The following SLCO5A1 variants were observed in gnomAD, a reference collection of about 807,000 sequenced individuals.
SLCO5A1 encodes organic anion transporter polypeptide-related protein 4.
SLCO5A1 carries 39 observed loss-of-function variants against 65.1 expected under a neutral mutation model. That is an observed-to-expected ratio of 0.60 (90% CI 0.46 to 0.78). The LOEUF is 0.78. SLCO5A1 is among the 30% of genes least tolerant of loss of function. The pLI, the probability that SLCO5A1 is intolerant of heterozygous loss-of-function variation, is 0.00. For missense variants in SLCO5A1, 1,029 were observed against 1,069.4 expected, an observed-to-expected ratio of 0.96 and a Z score of 0.53; for synonymous variants, 438 against 415.7, an observed-to-expected ratio of 1.05 and a Z score of -0.65.
At position 69,684,974 on chromosome 8, in the gene SLCO5A1, T is replaced by A. The variant is rs150381624; in HGVS notation, c.1623-2631A>T. 3.9e-4 allele frequency among the ~76,000 whole-genome samples: 60 copies of A among 152,332 alleles called. 1 individual carries two copies. The South Asian group carries it at 7.0e-3, about 18-fold the overall frequency. On this transcript the variant is annotated intron_variant, in intron 6 of 9. Coordinates refer to ENST00000260126, the MANE Select transcript of SLCO5A1 (RefSeq NM_030958.3). ...ACACTGTTCAAGGAGGCAAAAAGCT[T>A]TCCTGAGTTTAGGAAACGAGCACAG...
chr8:69,696,913 T>A (rs939469266), intron 6 of SLCO5A1, among the ~76,000 whole-genome samples: 3 of 151,366 alleles, frequency 2.0e-5, no homozygotes, highest in Non-Finnish European at 4.4e-5. Context: ...AAATAAAAAA[T>A]GTACATAAAG....
At chr8:69,794,353 T>A (rs933168997) in intron 2 of SLCO5A1, 5 of 431,126 alleles carry the variant, frequency 1.2e-5, no homozygotes, top group African/African-American at 8.2e-5. Context: ...CAGTTCATCA[T>A]AACTGCTCTC....
intron 2 of SLCO5A1, among the ~76,000 whole-genome samples, chr8:69,817,734 G>A (rs1409225411): frequency 2.6e-5 from 4 of 152,078 alleles, no homozygotes; most frequent in Non-Finnish European, 4.4e-5. Context: ...CCCCTTCTCC[G>A]TATGATCAAG....
rs775264988 is a variant in SLCO5A1, at chr8:69,783,358, G to A, written c.908-21483C>T. 9.3e-4 allele frequency among the ~76,000 whole-genome samples: 141 copies of A among 152,028 alleles called. 1 individual carries two copies. The highest frequency in any genetic ancestry group is 1.8e-3 in the Non-Finnish European group (122 of 67,966). ...TGTAACTCAAAGGATAAATGCTTGA[G>A]GGGATACCCCATTCTCTATTGTGTG... On this transcript the variant is annotated intron_variant, in intron 2 of 9. Transcript: ENST00000260126.
chr8:69,736,940 T>G (rs1451466959), intron 5 of SLCO5A1, among the ~76,000 whole-genome samples: 1 of 152,216 alleles, frequency 6.6e-6, no homozygotes, highest in Non-Finnish European at 1.5e-5. Context: ...AGGTTTAGAT[T>G]TTCTCACAAC....
intron 2 of SLCO5A1, among the ~76,000 whole-genome samples, chr8:69,821,502 A>G (rs1347890360): frequency 6.6e-6 from 1 of 152,060 alleles, no homozygotes; most frequent in East Asian, 1.9e-4. Flanking sequence ...AGAAAAGAAG[A>G]AGAAGAAGAA....
At chr8:69,766,487 C>T (rs374405823) in intron 2 of SLCO5A1, among the ~76,000 whole-genome samples, 1 of 152,118 alleles carries the variant, frequency 6.6e-6, no homozygotes, top group African/African-American at 2.4e-5. Context: ...TTACCAGTTG[C>T]TCTGTGTGCA....
intron 2 of SLCO5A1, among the ~76,000 whole-genome samples, chr8:69,785,255 C>A (rs893755645): frequency 2.0e-5 from 3 of 152,148 alleles, no homozygotes; most frequent in Non-Finnish European, 2.9e-5. Context: ...TGCACAATGG[C>A]ACAAGCAGAC....
intron 4 of SLCO5A1, among the ~76,000 whole-genome samples, chr8:69,742,055 G>A (rs182198585): frequency 4.5e-4 from 69 of 152,280 alleles, no homozygotes; most frequent in Non-Finnish European, 8.7e-4. Context: ...TTATATAGGA[G>A]AGTGTTCTTG....
At chr8:69,778,269 G>A (rs943051742) in intron 2 of SLCO5A1, among the ~76,000 whole-genome samples, 5 of 151,384 alleles carry the variant, frequency 3.3e-5, no homozygotes, top group African/African-American at 1.2e-4. Context: ...GTGCATATAT[G>A]TGTTAAACCT....
At chr8:69,834,025 T>C (rs1424695003) in intron 1 of SLCO5A1, 1 of 150,356 alleles carries the variant, frequency 6.7e-6, no homozygotes, top group Admixed American at 6.6e-5. Context: ...GGCGGGGAGG[T>C]GTGCTATTGA....
At position 69,672,558 on chromosome 8, in the gene SLCO5A1, C is replaced by A; in HGVS notation, c.*311G>T. 3.2e-6 allele frequency: 1 copy of A among 307,802 alleles called. No individual in the cohort carries two copies. The allele number at this position is 307,802 out of a possible 1,614,324, so 19.1% of individuals were successfully genotyped here. ...GTTAATGATATGCACCGCCATTCCC[C>A]TTCCCATGGTTTTGCTAACCGTGTA... On this transcript the variant is annotated 3_prime_UTR_variant, in exon 10 of 10. Transcript: ENST00000260126.
In SLCO5A1 at chr8:69,743,763, G is replaced by A. The variant is rs915072497; in HGVS notation, c.1259-5559C>T. Among the ~76,000 whole-genome samples, 9 of 152,102 alleles carry A rather than the reference G, an allele frequency of 5.9e-5. No homozygotes were observed. The South Asian group carries it at 6.2e-4, about 11-fold the overall frequency. On this transcript the variant is annotated intron_variant, in intron 4 of 9. Coordinates refer to ENST00000260126, the MANE Select transcript of SLCO5A1 (RefSeq NM_030958.3). ...AGCTGATTAGACCAGGGAAGGAGGC[G>A]GGACTCAGAGGTGCTATCTACAGGC...
chr8:69,701,799 C>A (rs975824852), intron 6 of SLCO5A1, among the ~76,000 whole-genome samples: 1 of 152,158 alleles, frequency 6.6e-6, no homozygotes, highest in Non-Finnish European at 1.5e-5. Context: ...AGGGCTGTGT[C>A]CCAGGCCATA....
chr8:69,834,741 C>CACACACAT (rs1821347421), intron 1 of SLCO5A1, 113 bp downstream of exon 1: 1 of 41,756 alleles, frequency 2.4e-5, no homozygotes, highest in Admixed American at 1.8e-4. Flanking sequence ...ATCCTACACA[C>CACACACAT]ACACACACAC....
intron 5 of SLCO5A1, among the ~76,000 whole-genome samples, chr8:69,716,763 T>G (rs1815559167): frequency 6.6e-6 from 1 of 150,758 alleles, no homozygotes; most frequent in Non-Finnish European, 1.5e-5. Context: ...TTTCTCCCAT[T>G]CTGCAAGCTG....
At chr8:69,762,607 T>A (rs1009738336) in intron 2 of SLCO5A1, among the ~76,000 whole-genome samples, 2 of 151,946 alleles carry the variant, frequency 1.3e-5, no homozygotes, top group African/African-American at 4.8e-5. Flanking sequence ...ATTTTTTTTA[T>A]GTCTAAGATA....
chr8:69,815,422 TG>T (rs1820363486), intron 2 of SLCO5A1, among the ~76,000 whole-genome samples: 1 of 152,166 alleles, frequency 6.6e-6, no homozygotes, highest in African/African-American at 2.4e-5. Context: ...TGGGTTTTTT[TG>T]TCCATTTGTT....
chr8:69,804,472 C>A (rs1324791422), intron 2 of SLCO5A1, among the ~76,000 whole-genome samples: 1 of 152,058 alleles, frequency 6.6e-6, no homozygotes, highest in Non-Finnish European at 1.5e-5. Flanking sequence ...GGCCACCACA[C>A]CCCTGACTAA....
Sources: allele counts gnomAD v4.1 joint callset (sites outside exome capture counted in the v4.1 genomes callset), GRCh38; gene constraint gnomAD v4.1.1; transcripts MANE v1.5; gene names NCBI Gene and HGNC (gene_info 2026-07-23, HGNC 2026-07-21).